Variants in CCDC172 observed in about 807,000 individuals in gnomAD.
The protein encoded by CCDC172 is coiled-coil domain-containing protein 172.
Under a neutral mutation model 38.0 loss-of-function variants are expected in CCDC172, and 30 were observed. That is an observed-to-expected ratio of 0.79 (90% confidence interval 0.59 to 1.07). CCDC172 has a LOEUF of 1.07. CCDC172 is among the 50% of genes least tolerant of loss of function. CCDC172 has a pLI of 0.00. For missense variants in CCDC172, 297 were observed against 290.1 expected (o/e 1.02, Z -0.17); for synonymous variants, 78 against 88.3 (o/e 0.88, Z 0.66).
intron 3 of CCDC172, among the ~76,000 whole-genome samples, chr10:116,337,781 A>G (rs1844749118): frequency 1.3e-5 from 2 of 152,292 alleles, no homozygotes; most frequent in East Asian, 1.9e-4. Flanking sequence ...CCTTTGTAAC[A>G]AAAAAGAGGT....
chr10:116,343,505 C>G (rs2134926103), intron 5 of CCDC172, among the ~76,000 whole-genome samples: 1 of 134,558 alleles, frequency 7.4e-6, no homozygotes, highest in East Asian at 2.2e-4. Context: ...TTTCCCTTCT[C>G]TGATCATTCG....
intron 3 of CCDC172, among the ~76,000 whole-genome samples, chr10:116,332,201 C>A (rs1844671891): frequency 6.6e-6 from 1 of 152,102 alleles, no homozygotes; most frequent in Non-Finnish European, 1.5e-5. Context: ...CTATTTGTTT[C>A]TTGCATGAAG....
chr10:116,353,781 T>C (rs1844961144), intron 5 of CCDC172, among the ~76,000 whole-genome samples: 1 of 152,206 alleles, frequency 6.6e-6, no homozygotes, highest in Non-Finnish European at 1.5e-5. Flanking sequence ...CATGAAAAGT[T>C]GCTTACATTA....
chr10:116,346,024 T>A (rs1014905414), intron 5 of CCDC172, among the ~76,000 whole-genome samples: 5 of 152,024 alleles, frequency 3.3e-5, no homozygotes, highest in African/African-American at 9.7e-5. Context: ...TGAACATAAC[T>A]TAAATGTCCG....
At chr10:116,332,631 C>A (rs1303270179) in intron 3 of CCDC172, among the ~76,000 whole-genome samples, 2 of 152,026 alleles carry the variant, frequency 1.3e-5, no homozygotes, top group South Asian at 2.1e-4. Context: ...TGAAGTCAAC[C>A]TGGTTTTTAA....
intron 3 of CCDC172, 56 bp from the exon 4 acceptor site, chr10:116,340,678 A>T (rs966840296): frequency 3.7e-6 from 3 of 815,346 alleles, no homozygotes; most frequent in Non-Finnish European, 6.2e-6. Flanking sequence ...TACCTAAGGT[A>T]CTCTAAAATG....
chr10:116,340,453 ATTC>A (rs1159887735), intron 3 of CCDC172, among the ~76,000 whole-genome samples: 1 of 151,900 alleles, frequency 6.6e-6, no homozygotes, highest in East Asian at 1.9e-4. Context: ...CTAGCTAAGA[ATTC>A]TTCTAGGTAT....
intron 5 of CCDC172, among the ~76,000 whole-genome samples, chr10:116,345,324 C>A (rs923752920): frequency 1.3e-5 from 2 of 151,874 alleles, no homozygotes; most frequent in Non-Finnish European, 2.9e-5. Context: ...CTCTTCACAC[C>A]GTATTATAAA....
intron 5 of CCDC172, 76 bp downstream of exon 5, chr10:116,342,277 T>C: frequency 7.2e-7 from 1 of 1,380,906 alleles, no homozygotes; most frequent in Non-Finnish European, 9.7e-7. Context: ...TTTCCAAAAA[T>C]TTAACTTTTT....
chr10:116,347,615 C>T (rs184719601), intron 5 of CCDC172, among the ~76,000 whole-genome samples: 251 of 152,156 alleles, frequency 1.6e-3, no homozygotes, highest in African/African-American at 5.9e-3. Flanking sequence ...GAGCTTCACT[C>T]TGACATCATG....
At chr10:116,364,075 A>G (rs1024078956) in intron 7 of CCDC172, among the ~76,000 whole-genome samples, 1 of 152,218 alleles carries the variant, frequency 6.6e-6, no homozygotes, top group African/African-American at 2.4e-5. Flanking sequence ...TCAACTGATA[A>G]AAATCCATTA....
At chr10:116,344,972 T>C (rs1417983264) in intron 5 of CCDC172, among the ~76,000 whole-genome samples, 4 of 151,950 alleles carry the variant, frequency 2.6e-5, no homozygotes, top group Admixed American at 2.6e-4. Context: ...CACTGGAAGG[T>C]CTTCAGGGAC....
At chr10:116,340,990 C>A in intron 4 of CCDC172, 140 bp downstream of exon 4, 1 of 639,104 alleles carries the variant, frequency 1.6e-6, no homozygotes, top group Non-Finnish European at 2.8e-6. Flanking sequence ...GTATTAAGTG[C>A]TATTTAAAAC....
At chr10:116,361,847 GATAC>G (rs1845068736) in intron 7 of CCDC172, among the ~76,000 whole-genome samples, 1 of 152,048 alleles carries the variant, frequency 6.6e-6, no homozygotes, top group Non-Finnish European at 1.5e-5. Context: ...CTCTTTCAAG[GATAC>G]ATAAATAAAT....
In CCDC172 at chr10:116,340,833, A is replaced by T. The variant is rs1244532823; in HGVS notation, c.265A>T (p.Met89Leu). Residue 89 changes from methionine to leucine, a missense_variant, in exon 4 of 9, where the codon ATG (methionine) becomes TTG (leucine). Coordinates refer to ENST00000333254, the MANE Select transcript of CCDC172 (RefSeq NM_198515.3). Reference sequence around the variant, plus strand: ...CAGTGAAATTACAAACCATAGGAATATGCTTCTTCAAACCTTTGTAAGTTT... The same window carrying T: ...CAGTGAAATTACAAACCATAGGAATTTGCTTCTTCAAACCTTTGTAAGTTT... ...QYSEITNHRN[M>L]LLQTFEAIKK... 2.6e-6 allele frequency: 4 copies of T among 1,559,228 alleles called. No individual in the cohort carries two copies. The highest frequency in any genetic ancestry group is 3.5e-6 in the Non-Finnish European group (4 of 1,133,668).
chr10:116,329,646 T>G (rs1331432409), intron 3 of CCDC172, among the ~76,000 whole-genome samples: 1 of 152,148 alleles, frequency 6.6e-6, no homozygotes, highest in African/African-American at 2.4e-5. Context: ...GGTCAAGCTA[T>G]TTTTATGATA....
chr10:116,374,135 C>T (rs1472206702), intron 7 of CCDC172, among the ~76,000 whole-genome samples: 1 of 152,100 alleles, frequency 6.6e-6, no homozygotes, highest in Non-Finnish European at 1.5e-5. Context: ...ATTTCGTAGC[C>T]ATCTGAGTTA....
chr10:116,341,899 C>T (rs1034792176), intron 4 of CCDC172, 137 bp from the exon 5 acceptor site: 1 of 545,248 alleles, frequency 1.8e-6, no homozygotes, highest in Non-Finnish European at 2.6e-6. Flanking sequence ...GAGAAAAAAA[C>T]ATTTTTGCCA....
At chr10:116,343,935 A>G (rs934385182) in intron 5 of CCDC172, among the ~76,000 whole-genome samples, 1 of 152,138 alleles carries the variant, frequency 6.6e-6, no homozygotes. Context: ...TCTTAAGAAT[A>G]TTGGATTTTT....
Sources: allele counts gnomAD v4.1 joint callset (sites outside exome capture counted in the v4.1 genomes callset), GRCh38; gene constraint gnomAD v4.1.1; transcripts MANE v1.5; gene names NCBI Gene and HGNC (gene_info 2026-07-23, HGNC 2026-07-21).